TBC1D16: variants seen among roughly 807,000 people sequenced by gnomAD.
TBC1D16 encodes TBC1 domain family member 16, also known as CTD-2529O21.1.
Under a neutral mutation model 74.7 loss-of-function variants are expected in TBC1D16, and 58 were observed. The ratio of observed to expected loss-of-function variants is 0.78; its 90% CI spans 0.63 to 0.97. The LOEUF is 0.97. TBC1D16 is among the 50% of genes least tolerant of loss of function. The pLI is 0.00. For synonymous variants in TBC1D16, 493 were observed against 474.7 expected (o/e 1.04, Z -0.50); for missense variants, 1,014 against 1,079.5 (o/e 0.94, Z 0.85).
chr17:80,025,992 C>G (rs550049924), intron 1 of TBC1D16: 2 of 150,184 alleles, frequency 1.3e-5, no homozygotes, highest in South Asian at 4.2e-4. Flanking sequence ...GTCCGCCACG[C>G]AGAAACTGCA....
Position 79,945,076 on chromosome 17 carries a change from G to C in TBC1D16, c.1740C>G (p.Arg580=), listed in dbSNP as rs775763961. Residue 580 remains arginine, a synonymous_variant, in exon 10 of 12, where the codon CGC becomes CGG. Coordinates refer to ENST00000310924, the MANE Select transcript of TBC1D16 (RefSeq NM_019020.4). ...GCACGTGCGTCAGCCGCAGCAGCTC[G>C]CGCAGGTACAGCTGGGGGTGAGGCC... ...EDMEKQLLYL[R]ELLRLTHVRF... 6 of 1,582,392 alleles carry C rather than the reference G, an allele frequency of 3.8e-6. No homozygotes were observed. In the Admixed American group the frequency reaches 7.3e-5, roughly 19 times the overall value.
At position 79,936,972 on chromosome 17, in the gene TBC1D16, T is replaced by A. The variant is rs1213019309; in HGVS notation, c.*3887A>T. 6.6e-6 allele frequency: 1 copy of A among 151,768 alleles called. No homozygotes were observed. The highest frequency in any genetic ancestry group is 1.5e-5 in the Non-Finnish European group (1 of 68,316). The allele number at this position is 151,768 out of a possible 1,614,324, so 9.4% of individuals were successfully genotyped here. On this transcript the variant is annotated 3_prime_UTR_variant, in exon 12 of 12. Coordinates refer to ENST00000310924, the MANE Select transcript of TBC1D16 (RefSeq NM_019020.4). ...TTCCCAGGGGACCTCTCCTCCTTCC[T>A]CTGAGGCAAAGTGGCCTGCAGGGGC...
At chr17:79,943,072 G>A (rs985878501) in intron 10 of TBC1D16, among the ~76,000 whole-genome samples, 1 of 152,208 alleles carries the variant, frequency 6.6e-6, no homozygotes, top group South Asian at 2.1e-4. Context: ...TCCTGACGTC[G>A]ACCACACAAA....
intron 2 of TBC1D16, among the ~76,000 whole-genome samples, chr17:80,011,455 G>A (rs574952608): frequency 1.3e-4 from 20 of 152,112 alleles, no homozygotes; most frequent in Admixed American, 7.9e-4. Context: ...TGAGCCCAGC[G>A]GCCCAGGTGC....
intron 3 of TBC1D16, among the ~76,000 whole-genome samples, chr17:80,006,502 G>A (rs899707739): frequency 2.0e-5 from 3 of 152,128 alleles, no homozygotes; most frequent in Non-Finnish European, 2.9e-5. Context: ...CGAAGGCCCC[G>A]GGGGATGGGG....
intron 1 of TBC1D16, among the ~76,000 whole-genome samples, chr17:80,020,150 A>G (rs969021804): frequency 3.3e-5 from 5 of 149,754 alleles, no homozygotes; most frequent in African/African-American, 1.3e-4. Flanking sequence ...CCTCCTAAGG[A>G]AACAATCCTG....
intron 8 of TBC1D16, among the ~76,000 whole-genome samples, chr17:79,948,257 G>A (rs2032728748): frequency 6.8e-6 from 1 of 146,498 alleles, no homozygotes; most frequent in Non-Finnish European, 1.5e-5. Flanking sequence ...AAGTTGCAGT[G>A]AGCCGAGATC....
rs71959726 is a variant in TBC1D16 at position 79,936,909 on chromosome 17, CGTGT to C, written c.*3946_*3949del. Reference sequence around the variant, plus strand: ...GTGCATGCGTGCGTGTGTGCATGTGCGTGTGTGTGTGTGTGTGTGTGTGTGTGTG... The same window carrying C: ...GTGCATGCGTGCGTGTGTGCATGTGCGTGTGTGTGTGTGTGTGTGTGTGTG... On this transcript the variant is annotated 3_prime_UTR_variant, in exon 12 of 12. Transcript: ENST00000310924. 5,170 of 122,282 alleles carry C rather than the reference CGTGT, an allele frequency of 0.042. 110 individuals are homozygous for C. The highest frequency in any genetic ancestry group is 0.088 in the South Asian group (336 of 3,802). 7.6% of individuals were successfully genotyped at this position (122,282 alleles called of 1,614,324 possible).
At chr17:79,952,851 C>T in intron 3 of TBC1D16, 33 bp from the exon 4 acceptor site, 1 of 1,578,636 alleles carries the variant, frequency 6.3e-7, no homozygotes, top group Non-Finnish European at 8.6e-7. Flanking sequence ...GATCGCCACA[C>T]TTCTCCCTGC....
chr17:79,947,059 C>T (rs1218052671), intron 9 of TBC1D16, among the ~76,000 whole-genome samples: 4 of 152,318 alleles, frequency 2.6e-5, no homozygotes, highest in South Asian at 2.1e-4. Flanking sequence ...GGCCCTCCGG[C>T]GCTGCCTTAC....
At chr17:80,021,366 A>G (rs2036276274) in intron 1 of TBC1D16, among the ~76,000 whole-genome samples, 1 of 149,660 alleles carries the variant, frequency 6.7e-6, no homozygotes, top group Non-Finnish European at 1.5e-5. Flanking sequence ...CGGGAGGCTA[A>G]GGTGGATCAC....
At chr17:79,996,737 G>A (rs973145295) in intron 3 of TBC1D16, among the ~76,000 whole-genome samples, 3 of 152,074 alleles carry the variant, frequency 2.0e-5, no homozygotes, top group Non-Finnish European at 2.9e-5. Flanking sequence ...GATAAAAAAC[G>A]TATTTTAAAA....
Position 80,032,637 on chromosome 17 carries a change from A to G in TBC1D16, c.-63+3158T>C, listed in dbSNP as rs547410474. On this transcript the variant is annotated intron_variant, in intron 1 of 11. Transcript: ENST00000310924. Reference sequence around the variant, plus strand: ...AACACTGCCGCTGAGGTGAACGGAAAAAGGCCTCCAACATCATTGCCCCAT... The same window carrying G: ...AACACTGCCGCTGAGGTGAACGGAAGAAGGCCTCCAACATCATTGCCCCAT... 3.3e-5 allele frequency among the ~76,000 whole-genome samples: 5 copies of G among 152,336 alleles called. No homozygotes were observed. In the South Asian group the frequency reaches 1.0e-3, roughly 32 times the overall value.
intron 10 of TBC1D16, among the ~76,000 whole-genome samples, chr17:79,942,846 G>C (rs1014361961): frequency 1.3e-5 from 2 of 152,152 alleles, no homozygotes; most frequent in African/African-American, 4.8e-5. Flanking sequence ...GCCTCTTTTC[G>C]GGCATACTTT....
Position 79,950,863 on chromosome 17 carries a change from G to T in TBC1D16, c.1090-285C>A. Reference sequence around the variant, plus strand: ...GCCGCAAAAACGGAATGAATGCCTCGTTCGGCCTAACTTCCCTCTGCCGGG... The same window carrying T: ...GCCGCAAAAACGGAATGAATGCCTCTTTCGGCCTAACTTCCCTCTGCCGGG... On this transcript the variant is annotated intron_variant, in intron 5 of 11. Transcript: ENST00000310924. The surrounding 1 kb of genome is among the most constrained non-coding windows in gnomAD (Gnocchi z 4.6). 6.6e-7 allele frequency: 1 copy of T among 1,518,514 alleles called. No homozygotes were observed. 94.1% of individuals were successfully genotyped at this position (1,518,514 alleles called of 1,614,324 possible). A position where few individuals can be genotyped will look rare whatever the true frequency, so the allele number is the denominator to read the frequency against.
rs563220711 is a variant in TBC1D16, at chr17:79,954,449, C to A, written c.780-1631G>T. On this transcript the variant is annotated intron_variant, in intron 3 of 11. Coordinates refer to ENST00000310924, the MANE Select transcript of TBC1D16 (RefSeq NM_019020.4). This position sits in a 1 kb window ranked among gnomAD's most constrained non-coding sequence, Gnocchi z 5.5. ...GCCTAAGGAAGTCAGCCGAACAGGT[C>A]CTCCCACTGCTGGGGCCCCTGGGCT... is the stretch of plus-strand genomic sequence containing the variant. Among the ~76,000 whole-genome samples, 1 of 152,284 alleles carries A rather than the reference C, an allele frequency of 6.6e-6. No individual in the cohort carries two copies. Among genetic ancestry groups the A allele is most frequent in the East Asian group, 1.9e-4 (1 of 5,184 alleles).
rs1436516087 is a variant in TBC1D16, at chr17:79,956,927, T to A, written c.780-4109A>T. Among the ~76,000 whole-genome samples the A allele has an allele frequency of 1.3e-5, 2 of 152,216 alleles. No homozygotes were observed. Among genetic ancestry groups the A allele is most frequent in the Non-Finnish European group, 2.9e-5 (2 of 68,026 alleles). ...AGCCAACTTCTGCCTGGAGGCACGT[T>A]GCTGGGGGAGGTGTGCGGTGGCTCC... On this transcript the variant is annotated intron_variant, in intron 3 of 11. Transcript: ENST00000310924. This position sits in a 1 kb window ranked among gnomAD's most constrained non-coding sequence, Gnocchi z 4.0.
At chr17:79,942,003 G>T in intron 11 of TBC1D16, 57 bp downstream of exon 11, 1 of 1,487,860 alleles carries the variant, frequency 6.7e-7, no homozygotes. Flanking sequence ...GAACGAGCTG[G>T]TGGGGTGGGG....
intron 3 of TBC1D16, among the ~76,000 whole-genome samples, chr17:80,006,666 T>A (rs1349563499): frequency 5.6e-5 from 8 of 143,162 alleles, no homozygotes; most frequent in Admixed American, 3.4e-4. Context: ...CTTTCTTTCT[T>A]TTTTTTTTTC....
Sources: allele counts gnomAD v4.1 joint callset (sites outside exome capture counted in the v4.1 genomes callset), GRCh38; gene constraint gnomAD v4.1.1; non-coding constraint Gnocchi (gnomAD v3.1); transcripts MANE v1.5; gene names NCBI Gene and HGNC (gene_info 2026-07-23, HGNC 2026-07-21).